Variants in RTF2 observed in about 807,000 individuals in gnomAD.
The protein encoded by RTF2 is UPF0549 protein C20orf43.
Under a neutral mutation model 38.0 loss-of-function variants are expected in RTF2, and 18 were observed. That is an observed-to-expected ratio of 0.47 (90% CI 0.33 to 0.70). RTF2 has a LOEUF of 0.70. RTF2 is among the 30% of genes least tolerant of loss of function. The probability of loss-of-function intolerance (pLI) is 0.02; values close to 1 mark genes in which losing one functional copy is unlikely to be tolerated. For missense variants in RTF2, 311 were observed against 379.6 expected (o/e 0.82, Z 1.50); for synonymous variants, 126 against 137.1 (o/e 0.92, Z 0.57).
chr20:56,512,779 G>A (rs544992888), intron 5 of RTF2, among the ~76,000 whole-genome samples: 11 of 152,184 alleles, frequency 7.2e-5, no homozygotes, highest in Non-Finnish European at 1.2e-4. Flanking sequence ...AGGAATCCAC[G>A]TGGGGCTTCC....
At chr20:56,496,785 A>G in intron 5 of RTF2, 1 of 1,552,154 alleles carries the variant, frequency 6.4e-7, no homozygotes, top group Non-Finnish European at 8.7e-7. Context: ...TCCAAAATAA[A>G]TGGTTAAGTT....
intron 1 of RTF2, among the ~76,000 whole-genome samples, chr20:56,472,998 G>A (rs1034974447): frequency 6.6e-6 from 1 of 152,092 alleles, no homozygotes; most frequent in African/African-American, 2.4e-5. Flanking sequence ...AGCCCTGGTG[G>A]TGTGCACCCA....
intron 5 of RTF2, among the ~76,000 whole-genome samples, chr20:56,504,675 T>C (rs1337024671): frequency 6.6e-6 from 1 of 152,218 alleles, no homozygotes; most frequent in Non-Finnish European, 1.5e-5. Context: ...TGGGTACTTT[T>C]CTTAACATCC....
At chr20:56,470,840 A>G in intron 1 of RTF2, 1 of 351,742 alleles carries the variant, frequency 2.8e-6, no homozygotes, top group Non-Finnish European at 5.8e-6. Context: ...AGTTACCCCA[A>G]CTCCATGAGG....
At chr20:56,477,822 T>C (rs143408864) in intron 4 of RTF2, among the ~76,000 whole-genome samples, 32 of 152,348 alleles carry the variant, frequency 2.1e-4, no homozygotes, top group Non-Finnish European at 3.8e-4. Context: ...CCAAAAGTTA[T>C]GCAGTAACAG....
rs1276602809 is a variant in RTF2 at position 56,468,759 on chromosome 20, T to C, written c.62T>C (p.Val21Ala). The change falls in exon 1 of 9, where the codon GTT becomes GCT. Residue 21 changes from valine (V) to alanine (A), a missense_variant. By Grantham distance (64) the Val-to-Ala change is moderately conservative (BLOSUM62 0). Coordinates refer to ENST00000357348, the MANE Select transcript of RTF2 (RefSeq NM_016407.5). ...RHELVKGPKK[V>A]EKVDKDAELV... Reference sequence around the variant, plus strand: ...GAACTGGTGAAGGGGCCGAAGAAGGTTGAGAAGGTCAGTGATGTGGGCCGG... The same window carrying C: ...GAACTGGTGAAGGGGCCGAAGAAGGCTGAGAAGGTCAGTGATGTGGGCCGG... 2 of 1,582,166 alleles carry C rather than the reference T, an allele frequency of 1.3e-6. No homozygotes were observed. Among genetic ancestry groups the C allele is most frequent in the African/African-American group, 2.7e-5 (2 of 74,050 alleles).
chr20:56,479,914 G>T (rs903134467), intron 4 of RTF2, among the ~76,000 whole-genome samples: 1 of 151,422 alleles, frequency 6.6e-6, no homozygotes, highest in Non-Finnish European at 1.5e-5. Flanking sequence ...TTCAGGCTTG[G>T]TTCTTCCATT....
intron 4 of RTF2, among the ~76,000 whole-genome samples, chr20:56,480,204 A>C (rs1982462390): frequency 6.6e-6 from 1 of 152,246 alleles, no homozygotes; most frequent in Non-Finnish European, 1.5e-5. Flanking sequence ...TTTCTGGAGA[A>C]CTTAATGCAG....
intron 4 of RTF2, among the ~76,000 whole-genome samples, chr20:56,478,649 C>G (rs1413807643): frequency 2.0e-5 from 3 of 152,094 alleles, no homozygotes; most frequent in African/African-American, 4.8e-5. Flanking sequence ...GCTGGTGGAG[C>G]CTTGATGTTG....
intron 4 of RTF2, among the ~76,000 whole-genome samples, chr20:56,479,045 A>T (rs565118793): frequency 4.6e-5 from 7 of 152,290 alleles, no homozygotes; most frequent in African/African-American, 1.7e-4. Flanking sequence ...TAATTCAGTC[A>T]TCTTCAGGCT....
chr20:56,492,741 G>A (rs1278241697), intron 5 of RTF2, among the ~76,000 whole-genome samples: 1 of 151,944 alleles, frequency 6.6e-6, no homozygotes, highest in Non-Finnish European at 1.5e-5. Flanking sequence ...ATTTTGCAAG[G>A]GAGGAAACAG....
intron 5 of RTF2, chr20:56,497,553 A>T (rs1208909915): frequency 1.4e-6 from 2 of 1,387,980 alleles, no homozygotes; most frequent in African/African-American, 1.4e-5. Flanking sequence ...AAAAATGAAG[A>T]TGCAAATGAC....
intron 8 of RTF2, 111 bp downstream of exon 8, chr20:56,517,312 T>C (rs947252694): frequency 2.5e-6 from 2 of 807,632 alleles, no homozygotes; most frequent in African/African-American, 3.4e-5. Flanking sequence ...CTGTCCTATG[T>C]CATGTCTCTA....
rs186222274 is a variant in RTF2 at position 56,501,043 on chromosome 20, T to G, written c.478-12272T>G. Among the ~76,000 whole-genome samples the G allele has an allele frequency of 1.9e-3, 283 of 152,320 alleles. 1 individual carries two copies. Among genetic ancestry groups the G allele is most frequent in the Non-Finnish European group, 3.6e-3 (245 of 68,018 alleles). On this transcript the variant is annotated intron_variant, in intron 5 of 8. Coordinates refer to ENST00000357348, the MANE Select transcript of RTF2 (RefSeq NM_016407.5). ...TATGTTTATGGATCACAGAGTAATG[T>G]TTCAATACACACAATGTATCAGCAC...
At chr20:56,496,206 A>G (rs911906390) in intron 5 of RTF2, among the ~76,000 whole-genome samples, 4 of 152,198 alleles carry the variant, frequency 2.6e-5, no homozygotes, top group African/African-American at 7.2e-5. Context: ...TAGAACATTT[A>G]CAAGGCCAAA....
At chr20:56,473,495 A>C in intron 2 of RTF2, 100 bp downstream of exon 2, 1 of 825,004 alleles carries the variant, frequency 1.2e-6, no homozygotes, top group Non-Finnish European at 2.0e-6. Flanking sequence ...GATTATCCCA[A>C]GCAAATTTGT....
intron 5 of RTF2, among the ~76,000 whole-genome samples, chr20:56,503,374 T>C (rs1052917048): frequency 1.2e-4 from 18 of 152,176 alleles, no homozygotes; most frequent in African/African-American, 4.3e-4. Context: ...GGATATCCAC[T>C]CAAAACAACG....
chr20:56,491,293 G>T (rs916631223), intron 5 of RTF2, among the ~76,000 whole-genome samples: 1 of 152,128 alleles, frequency 6.6e-6, no homozygotes, highest in African/African-American at 2.4e-5. Flanking sequence ...TGGGTTTTCA[G>T]CAGCTTTTTA....
Position 56,517,258 on chromosome 20 carries a change from C to T in RTF2, c.742+57C>T, listed in dbSNP as rs1041170246. On this transcript the variant is annotated intron_variant, in intron 8 of 8. Coordinates refer to ENST00000357348, the MANE Select transcript of RTF2 (RefSeq NM_016407.5). Reference sequence around the variant, plus strand: ...TCGAGAAGGCTGGAAACCCAGGTGGCCGAGTCCAGGTTTCACTGGAGTGGG... The same window carrying T: ...TCGAGAAGGCTGGAAACCCAGGTGGTCGAGTCCAGGTTTCACTGGAGTGGG... 2.0e-5 allele frequency: 29 copies of T among 1,427,652 alleles called. No individual in the cohort carries two copies. In the African/African-American group the frequency reaches 3.5e-4, roughly 17 times the overall value. The allele number at this position is 1,427,652 out of a possible 1,614,324, so 88.4% of individuals were successfully genotyped here.
Sources: allele counts gnomAD v4.1 joint callset (sites outside exome capture counted in the v4.1 genomes callset), GRCh38; gene constraint gnomAD v4.1.1; transcripts MANE v1.5; gene names NCBI Gene and HGNC (gene_info 2026-07-23, HGNC 2026-07-21).